Variants in SNTG1 observed in about 807,000 individuals in gnomAD.
SNTG1 encodes syntrophin gamma 1, also known as gamma-1-syntrophin.
In SNTG1, 39 loss-of-function variants were observed where a neutral mutation model predicts 74.7. That is an observed-to-expected ratio of 0.52 (90% confidence interval 0.40 to 0.68). The LOEUF (loss-of-function observed/expected upper bound fraction) is 0.68, where lower values mean the gene tolerates loss of function less well. SNTG1 is among the 30% of genes least tolerant of loss of function. SNTG1 has a pLI of 0.00. For missense variants in SNTG1, 685 were observed against 609.5 expected, an observed-to-expected ratio of 1.12 and a Z score of -1.30; for synonymous variants, 254 against 217.1, an observed-to-expected ratio of 1.17 and a Z score of -1.49.
intron 8 of SNTG1, among the ~76,000 whole-genome samples, chr8:50,492,498 T>G (rs987427103): frequency 2.0e-5 from 3 of 152,256 alleles, no homozygotes; most frequent in Non-Finnish European, 4.4e-5. Context: ...CCAGTGATGA[T>G]GAGCTTTTCT....
At position 50,338,010 on chromosome 8, in the gene SNTG1, C is replaced by T. The variant is rs577238855; in HGVS notation, c.-27-56202C>T. ...AGTTAGCCGGGCTTGGTGGCGGGCG[C>T]CTGTAGTCCCAGCTACTCAGGAGGC... On this transcript the variant is annotated intron_variant, in intron 2 of 18. Coordinates refer to ENST00000642720, the MANE Select transcript of SNTG1 (RefSeq NM_018967.5). 1.6e-3 allele frequency among the ~76,000 whole-genome samples: 246 copies of T among 152,052 alleles called. 1 individual carries two copies. Among genetic ancestry groups the T allele is most frequent in the Admixed American group, 4.5e-3 (69 of 15,260 alleles).
intron 15 of SNTG1, among the ~76,000 whole-genome samples, chr8:50,692,874 C>G (rs956689036): frequency 6.6e-6 from 1 of 152,260 alleles, no homozygotes; most frequent in African/African-American, 2.4e-5. Context: ...GCAGGCAGGC[C>G]TCCTTGAGCT....
chr8:50,136,110 T>G (rs1426927954), intron 1 of SNTG1, among the ~76,000 whole-genome samples: 1 of 152,204 alleles, frequency 6.6e-6, no homozygotes, highest in Non-Finnish European at 1.5e-5. Flanking sequence ...CTGCATTGTA[T>G]TTCATGGTCT....
intron 13 of SNTG1, among the ~76,000 whole-genome samples, chr8:50,628,152 C>T (rs145259355): frequency 2.0e-5 from 3 of 152,190 alleles, no homozygotes; most frequent in African/African-American, 7.2e-5. Context: ...TTTCTTTCTT[C>T]CAGAACATTA....
chr8:50,580,477 T>C (rs1472717628), intron 12 of SNTG1, among the ~76,000 whole-genome samples: 1 of 152,096 alleles, frequency 6.6e-6, no homozygotes, highest in Admixed American at 6.5e-5. Context: ...ATGATATGGT[T>C]GGGTTGTGTC....
intron 1 of SNTG1, among the ~76,000 whole-genome samples, chr8:50,154,859 A>G (rs1298905879): frequency 6.6e-6 from 1 of 152,208 alleles, no homozygotes; most frequent in East Asian, 1.9e-4. Flanking sequence ...GAAAGAAGAC[A>G]TTAGTGGAAA....
intron 2 of SNTG1, among the ~76,000 whole-genome samples, chr8:50,195,644 A>C (rs761232241): frequency 3.9e-5 from 6 of 152,012 alleles, no homozygotes; most frequent in South Asian, 4.2e-4. Context: ...CCTGTATTTC[A>C]CTTAGCTCTC....
At chr8:49,910,563 C>T (rs1325006714), upstream of SNTG1, among the ~76,000 whole-genome samples, 2 of 152,158 alleles carry the variant, frequency 1.3e-5, no homozygotes, top group Non-Finnish European at 2.9e-5. Flanking sequence ...GCGTCTGCAC[C>T]CGTTGCCGAG....
chr8:50,710,994 T>C (rs926468092), intron 17 of SNTG1, among the ~76,000 whole-genome samples: 16 of 152,194 alleles, frequency 1.1e-4, no homozygotes, highest in African/African-American at 3.9e-4. Flanking sequence ...AAGAAGGTTA[T>C]ATTATCCATC....
chr8:50,754,087 T>C (rs963432773), intron 18 of SNTG1, among the ~76,000 whole-genome samples: 7 of 151,948 alleles, frequency 4.6e-5, no homozygotes, highest in Non-Finnish European at 1.0e-4. Context: ...AACTATTGTA[T>C]AACCTCTATA....
At chr8:50,507,831 C>T (rs2094021994) in intron 9 of SNTG1, among the ~76,000 whole-genome samples, 1 of 151,478 alleles carries the variant, frequency 6.6e-6, no homozygotes, top group Non-Finnish European at 1.5e-5. Context: ...TTATCCCTTC[C>T]CCCTCCCCAC....
At chr8:50,486,331 G>A (rs2093794106) in intron 8 of SNTG1, among the ~76,000 whole-genome samples, 1 of 145,276 alleles carries the variant, frequency 6.9e-6, no homozygotes, top group Non-Finnish European at 1.5e-5. Context: ...TCCTTGAGCA[G>A]TGGTTTGTAG....
intron 13 of SNTG1, among the ~76,000 whole-genome samples, chr8:50,620,575 G>C (rs2131040859): frequency 6.6e-6 from 1 of 152,282 alleles, no homozygotes; most frequent in African/African-American, 2.4e-5. Flanking sequence ...CCAGATATTT[G>C]CTGGGGTGCC....
chr8:50,778,330 G>C (rs2095647476), intron 18 of SNTG1, among the ~76,000 whole-genome samples: 3 of 152,150 alleles, frequency 2.0e-5, no homozygotes, highest in Admixed American at 2.0e-4. Context: ...CAGTGTAAAA[G>C]TGTTCCTATT....
chr8:50,610,024 T>C (rs201095647), intron 13 of SNTG1, among the ~76,000 whole-genome samples: 189 of 152,304 alleles, frequency 1.2e-3, no homozygotes, highest in African/African-American at 4.4e-3. Flanking sequence ...CACTTTCTTC[T>C]TCGTTTTCTT....
At chr8:50,084,425 A>C (rs546951019) in intron 1 of SNTG1, among the ~76,000 whole-genome samples, 1 of 152,232 alleles carries the variant, frequency 6.6e-6, no homozygotes, top group African/African-American at 2.4e-5. Flanking sequence ...ACACCACTGC[A>C]CTCCAGCCTG....
chr8:50,493,134 G>A (rs1278186168), intron 8 of SNTG1, among the ~76,000 whole-genome samples: 1 of 152,164 alleles, frequency 6.6e-6, no homozygotes, highest in Non-Finnish European at 1.5e-5. Context: ...GAACTCTTAA[G>A]ATAGTAGAAT....
At chr8:50,790,636 A>T (rs570322408) in intron 18 of SNTG1, among the ~76,000 whole-genome samples, 14 of 151,996 alleles carry the variant, frequency 9.2e-5, no homozygotes, top group Non-Finnish European at 1.5e-4. Context: ...CAGAGGAAAG[A>T]TGTGTGGGCA....
At chr8:50,517,727 A>G (rs2130093386) in intron 9 of SNTG1, among the ~76,000 whole-genome samples, 1 of 152,330 alleles carries the variant, frequency 6.6e-6, no homozygotes, top group Non-Finnish European at 1.5e-5. Context: ...ATATAATGAT[A>G]AAAGGATCAA....
Sources: gnomAD v4.1 joint callset for allele counts (sites outside exome capture counted in the v4.1 genomes callset) on GRCh38, gnomAD v4.1.1 for gene constraint, MANE v1.5 for transcripts, NCBI Gene and HGNC (gene_info 2026-07-23, HGNC 2026-07-21) for gene names.